The following DPYSL3 variants were observed in gnomAD, a reference collection of about 807,000 sequenced individuals.
DPYSL3 encodes dihydropyrimidinase like 3.
In DPYSL3, 16 loss-of-function variants were observed where a neutral mutation model predicts 66.1. That is an observed-to-expected ratio of 0.24 (90% CI 0.16 to 0.37). DPYSL3 has a LOEUF of 0.37. Ranked by LOEUF, DPYSL3 falls within the 10% of genes least tolerant of loss-of-function variation. DPYSL3 has a pLI of 1.00. For synonymous variants in DPYSL3, 338 were observed against 345.1 expected, an observed-to-expected ratio of 0.98 and a Z score of 0.23; for missense variants, 738 against 916.2, an observed-to-expected ratio of 0.81 and a Z score of 2.51.
intron 1 of DPYSL3, among the ~76,000 whole-genome samples, chr5:147,493,750 A>T (rs986510565): frequency 6.6e-6 from 1 of 152,226 alleles, no homozygotes; most frequent in Non-Finnish European, 1.5e-5. Context: ...GAACTGTTCA[A>T]CAAGAGAAGT....
intron 6 of DPYSL3, among the ~76,000 whole-genome samples, chr5:147,410,539 T>A (rs528097830): frequency 6.6e-6 from 1 of 152,190 alleles, no homozygotes; most frequent in Admixed American, 6.5e-5. Flanking sequence ...GTTTGGGTCA[T>A]GACACAACTG....
chr5:147,466,124 T>G (rs1160476864), intron 1 of DPYSL3, among the ~76,000 whole-genome samples: 1 of 152,218 alleles, frequency 6.6e-6, no homozygotes, highest in African/African-American at 2.4e-5. Flanking sequence ...CACACATCAG[T>G]GCCCATTAGC....
chr5:147,479,109 T>C (rs975720883), intron 1 of DPYSL3, among the ~76,000 whole-genome samples: 3 of 152,190 alleles, frequency 2.0e-5, no homozygotes, highest in African/African-American at 4.8e-5. Context: ...TAATAGTAGC[T>C]ACTACTTATT....
At chr5:147,437,018 T>G (rs1752425272) in intron 1 of DPYSL3, among the ~76,000 whole-genome samples, 1 of 152,154 alleles carries the variant, frequency 6.6e-6, no homozygotes, top group Admixed American at 6.5e-5. Flanking sequence ...AATGCCACGC[T>G]GAAAATGGCT....
rs1757833326 is a variant in DPYSL3, at chr5:147,392,282, A to G, written c.*1753T>C. The G allele has an allele frequency of 6.6e-6, 1 of 152,248 alleles. No individual in the cohort carries two copies. Among genetic ancestry groups the G allele is most frequent in the South Asian group, 2.1e-4 (1 of 4,830 alleles). The allele number at this position is 152,248 out of a possible 1,614,324, so 9.4% of individuals were successfully genotyped here. A position where few individuals can be genotyped will look rare whatever the true frequency, so the allele number is the denominator to read the frequency against. On this transcript the variant is annotated 3_prime_UTR_variant, in exon 14 of 14. Transcript: ENST00000343218. The stretch of plus-strand genomic sequence containing the variant: ...AAGCTTCCCTATTCTAAGGGGAAAT[A>G]GTCTTTTTTCATGATTTGAACAGAA...
chr5:147,393,634 C>G lies in DPYSL3; in HGVS notation c.*401G>C, dbSNP rs1357210930. 1 of 195,522 alleles carries G rather than the reference C, an allele frequency of 5.1e-6. No individual in the cohort carries two copies. Among genetic ancestry groups the G allele is most frequent in the Non-Finnish European group, 1.1e-5 (1 of 92,844 alleles). The allele number at this position is 195,522 out of a possible 1,614,324, so 12.1% of individuals were successfully genotyped here. A position where few individuals can be genotyped will look rare whatever the true frequency, so the allele number is the denominator to read the frequency against. The stretch of plus-strand genomic sequence containing the variant: ...CCCCTCTGCACCCTCCACCTTGCTC[C>G]AGGCTCCCACCACCCACTCACCCCA... On this transcript the variant is annotated 3_prime_UTR_variant, in exon 14 of 14. Coordinates refer to ENST00000343218, the MANE Select transcript of DPYSL3 (RefSeq NM_001197294.2).
At chr5:147,475,594 T>G (rs1481994629) in intron 1 of DPYSL3, among the ~76,000 whole-genome samples, 1 of 152,036 alleles carries the variant, frequency 6.6e-6, no homozygotes, top group Non-Finnish European at 1.5e-5. Context: ...TTCAAAGGAA[T>G]AGAAAGAATA....
At chr5:147,402,340 ACTTTTTTTTTTTT>A (rs1296546655) in intron 8 of DPYSL3, among the ~76,000 whole-genome samples, 1 of 106,200 alleles carries the variant, frequency 9.4e-6, no homozygotes, top group Non-Finnish European at 1.8e-5. Flanking sequence ...GACTCTCATG[ACTTTTTTTTTTTT>A]CTTTTTTTTT....
intron 1 of DPYSL3, among the ~76,000 whole-genome samples, chr5:147,495,089 G>C (rs1270242801): frequency 6.6e-6 from 1 of 152,106 alleles, no homozygotes; most frequent in Non-Finnish European, 1.5e-5. Context: ...GAAAATGCCA[G>C]ACTCAGATGG....
intron 2 of DPYSL3, among the ~76,000 whole-genome samples, chr5:147,422,312 C>T (rs539025160): frequency 4.5e-4 from 68 of 152,270 alleles, no homozygotes; most frequent in African/African-American, 1.6e-3. Context: ...TACCATCTCA[C>T]GCCAGTTAGA....
At chr5:147,483,240 G>A (rs1313360277) in intron 1 of DPYSL3, among the ~76,000 whole-genome samples, 1 of 152,078 alleles carries the variant, frequency 6.6e-6, no homozygotes, top group Admixed American at 6.5e-5. Context: ...CTCACTTTCC[G>A]AGCTTTCAGC....
chr5:147,392,876 G>A lies in DPYSL3; in HGVS notation c.*1159C>T, dbSNP rs1240593626. 1 of 152,156 alleles carries A rather than the reference G, an allele frequency of 6.6e-6. No individual in the cohort carries two copies. The highest frequency in any genetic ancestry group is 2.4e-5 in the African/African-American group (1 of 41,418). 9.4% of individuals were successfully genotyped at this position (152,156 alleles called of 1,614,324 possible). ...CTCCCTCTGCTCAAGACTGACTTTG[G>A]CTTTCCCAGTTCCCCACTTGACTTT... On this transcript the variant is annotated 3_prime_UTR_variant, in exon 14 of 14. Coordinates refer to ENST00000343218, the MANE Select transcript of DPYSL3 (RefSeq NM_001197294.2).
intron 1 of DPYSL3, among the ~76,000 whole-genome samples, chr5:147,472,400 T>C (rs1753099201): frequency 6.6e-6 from 1 of 152,228 alleles, no homozygotes; most frequent in Non-Finnish European, 1.5e-5. Flanking sequence ...GTTTTAGCCA[T>C]GTCTATTTTA....
chr5:147,426,000 ACCATCCAT>A (rs375856381), intron 1 of DPYSL3, among the ~76,000 whole-genome samples: 505 of 150,136 alleles, frequency 3.4e-3, no homozygotes, highest in African/African-American at 8.9e-3. Flanking sequence ...TTCAACTCCA[ACCATCCAT>A]CCATCCATCC....
chr5:147,398,385 G>A (rs1024246718), intron 11 of DPYSL3, among the ~76,000 whole-genome samples: 5 of 152,186 alleles, frequency 3.3e-5, no homozygotes, highest in South Asian at 2.1e-4. Flanking sequence ...TTCACCATTC[G>A]CTTGCTGCAC....
intron 4 of DPYSL3, among the ~76,000 whole-genome samples, chr5:147,414,975 C>T (rs1751932155): frequency 1.3e-5 from 2 of 152,134 alleles, no homozygotes; most frequent in African/African-American, 2.4e-5. Context: ...CTCTAAGACC[C>T]CCAGGCCGCC....
chr5:147,401,626 G>A lies in DPYSL3; in HGVS notation c.1224C>T (p.Asn408=). ...GIDGTHYWSK[N]WAKAAAFVTS... is the part of the protein sequence containing the mutation. Reference sequence around the variant, plus strand: ...TCACAAATGCAGCCGCCTTGGCCCAGTTCTTGCTCCAATAATGGGTTCCAT... The same window carrying A: ...TCACAAATGCAGCCGCCTTGGCCCAATTCTTGCTCCAATAATGGGTTCCAT... Residue 408 remains asparagine, a synonymous_variant, in exon 9 of 14, where the codon AAC becomes AAT. Transcript: ENST00000343218. 6.2e-7 allele frequency: 1 copy of A among 1,614,114 alleles called. No homozygotes were observed. Among genetic ancestry groups the A allele is most frequent in the Non-Finnish European group, 8.5e-7 (1 of 1,180,030 alleles).
intron 1 of DPYSL3, among the ~76,000 whole-genome samples, chr5:147,505,084 G>A (rs1477980475): frequency 1.3e-5 from 2 of 152,112 alleles, no homozygotes; most frequent in Non-Finnish European, 2.9e-5. Flanking sequence ...AACCATAGAG[G>A]ATTTTAGTAA....
In DPYSL3 at chr5:147,399,203, T is replaced by A; in HGVS notation, c.1502A>T (p.Asn501Ile). The A allele has an allele frequency of 6.2e-7, 1 of 1,614,220 alleles. No homozygotes were observed. Among genetic ancestry groups the A allele is most frequent in the Non-Finnish European group, 8.5e-7 (1 of 1,180,042 alleles). Residue 501 changes from asparagine (N) to isoleucine (I), a missense_variant, in exon 11 of 14, where the codon AAC becomes ATC. By Grantham distance (149) the Asn-to-Ile change is moderately radical (BLOSUM62 -3). Coordinates refer to ENST00000343218, the MANE Select transcript of DPYSL3 (RefSeq NM_001197294.2). Reference sequence around the variant, plus strand: ...ATACAGGTTGAAGATCTTGGCAGCGTTTGTGCTTGTCACAGCCACGAACTG... The same window carrying A: ...ATACAGGTTGAAGATCTTGGCAGCGATTGTGCTTGTCACAGCCACGAACTG... ...ENQFVAVTST[N>I]AAKIFNLYPR...
Sources: allele counts gnomAD v4.1 joint callset (sites outside exome capture counted in the v4.1 genomes callset), GRCh38; gene constraint gnomAD v4.1.1; transcripts MANE v1.5; gene names NCBI Gene and HGNC (gene_info 2026-07-23, HGNC 2026-07-21).